Variants in FMN1 observed in about 807,000 individuals in gnomAD.
FMN1 encodes formin 1.
A neutral mutation model predicts 132.4 loss-of-function variants in FMN1; 110 were observed. That is an observed-to-expected ratio of 0.83 (90% confidence interval 0.71 to 0.97). FMN1 has a LOEUF of 0.97. Among genes scored for constraint, FMN1 ranks in the 50% least tolerant of loss-of-function variants. The pLI, the probability that FMN1 is intolerant of heterozygous loss-of-function variation, is 0.00. For synonymous variants in FMN1, 722 were observed against 651.7 expected (o/e 1.11, Z -1.64); for missense variants, 1,792 against 1,705.3 (o/e 1.05, Z -0.90).
chr15:32,938,327 G>A (rs866352304), intron 9 of FMN1, among the ~76,000 whole-genome samples: 3 of 151,890 alleles, frequency 2.0e-5, no homozygotes, highest in Non-Finnish European at 4.4e-5. Flanking sequence ...CCAGGAGTTC[G>A]GGACCAGCCT....
intron 17 of FMN1, among the ~76,000 whole-genome samples, chr15:32,824,982 T>C (rs973802059): frequency 6.6e-6 from 1 of 152,220 alleles, no homozygotes. Context: ...CCTCAGTAAA[T>C]AGCATCGACA....
intron 6 of FMN1, among the ~76,000 whole-genome samples, chr15:33,058,809 G>A (rs1450688618): frequency 2.0e-5 from 3 of 152,160 alleles, no homozygotes; most frequent in Non-Finnish European, 4.4e-5. Context: ...GGTAGATGAT[G>A]CGGTGTTTTG....
intron 12 of FMN1, among the ~76,000 whole-genome samples, chr15:32,907,752 C>T (rs62001358): frequency 1.2e-5 from 1 of 85,592 alleles, no homozygotes; most frequent in Admixed American, 1.0e-4. Context: ...GCAAAAGAGG[C>T]CCTCTGAACC....
chr15:32,888,204 T>C lies in FMN1; in HGVS notation c.3803A>G (p.Lys1268Arg), dbSNP rs1324627978. Residue 1268 changes from lysine (K) to arginine (R), a missense_variant, in exon 16 of 21, where the codon AAA becomes AGA. Lys to Arg is a conservative substitution (Grantham distance 26). Around this residue, in one of 3 missense-constraint regions of FMN1, gnomAD observed 1,150 missense variants for 1,043.1 expected, o/e 1.10. Transcript: ENST00000616417. ...TTGCCTCTTCAGTTTTCTCAAATCT[T>C]TTATGAGGTCTTCAAACTTGACTTG... ...ASQVKFEDLI[K>R]DLRKLKRQLE... 2 of 1,612,896 alleles carry C rather than the reference T, an allele frequency of 1.2e-6. No homozygotes were observed. The highest frequency in any genetic ancestry group is 2.2e-5 in the South Asian group (2 of 90,850).
At chr15:33,081,263 C>T (rs7179866) in intron 5 of FMN1, among the ~76,000 whole-genome samples, 8,682 of 152,188 alleles carry the variant, frequency 0.057, 810 homozygotes, top group African/African-American at 0.2. Flanking sequence ...AGGCAGCAAA[C>T]GGTTGAACCT....
intron 9 of FMN1, among the ~76,000 whole-genome samples, chr15:32,939,373 A>G (rs1019685224): frequency 2.0e-5 from 3 of 152,200 alleles, no homozygotes; most frequent in Admixed American, 6.5e-5. Context: ...TATTAAGGGG[A>G]AAAAAAGACA....
At chr15:33,050,932 T>C (rs977095170) in intron 6 of FMN1, among the ~76,000 whole-genome samples, 1 of 152,228 alleles carries the variant, frequency 6.6e-6, no homozygotes, top group African/African-American at 2.4e-5. Context: ...GGTTTCAGTA[T>C]ATGGTAAAAA....
At chr15:33,079,622 CA>C (rs1004995083) in intron 5 of FMN1, among the ~76,000 whole-genome samples, 2 of 152,032 alleles carry the variant, frequency 1.3e-5, no homozygotes, top group Non-Finnish European at 2.9e-5. Context: ...GACTCCGTCT[CA>C]AAAAAAGAAA....
intron 4 of FMN1, among the ~76,000 whole-genome samples, chr15:33,122,996 G>C (rs978241758): frequency 6.6e-6 from 1 of 151,548 alleles, no homozygotes; most frequent in Non-Finnish European, 1.5e-5. Context: ...CAAATAAAAA[G>C]ACAGGCCGAG....
In FMN1 at chr15:32,765,839, C is replaced by CA. The variant is rs2056028441; in HGVS notation, c.*8470dup. 6.6e-6 allele frequency: 1 copy of CA among 152,058 alleles called. No individual in the cohort carries two copies. Among genetic ancestry groups the CA allele is most frequent in the Non-Finnish European group, 1.5e-5 (1 of 68,016 alleles). The allele number at this position is 152,058 out of a possible 1,614,324, so 9.4% of individuals were successfully genotyped here. Reference sequence around the variant, plus strand: ...ACACACATTTTTATTATGTACAAATCAGTGTTGGTTCCTTCACTCTCTTTT... The same window carrying CA: ...ACACACATTTTTATTATGTACAAATCAAGTGTTGGTTCCTTCACTCTCTTTT... On this transcript the variant is annotated 3_prime_UTR_variant, in exon 21 of 21. Transcript: ENST00000616417.
intron 16 of FMN1, among the ~76,000 whole-genome samples, chr15:32,876,731 G>A (rs764835516): frequency 1.3e-5 from 2 of 152,170 alleles, no homozygotes. Flanking sequence ...AGTCTTTACT[G>A]AACTTTAAAA....
At chr15:33,123,338 G>A (rs868008127) in intron 4 of FMN1, among the ~76,000 whole-genome samples, 1 of 151,906 alleles carries the variant, frequency 6.6e-6, no homozygotes, top group African/African-American at 2.4e-5. Context: ...ACCATCTACT[G>A]AATTAGGTAA....
chr15:33,117,167 T>TA (rs2140154239), intron 4 of FMN1, among the ~76,000 whole-genome samples: 1 of 152,162 alleles, frequency 6.6e-6, no homozygotes, highest in East Asian at 1.9e-4. Context: ...TACTCCCCTC[T>TA]AACAACTCTC....
intron 7 of FMN1, among the ~76,000 whole-genome samples, chr15:32,977,882 A>G (rs1169885281): frequency 5.4e-5 from 8 of 148,648 alleles, no homozygotes; most frequent in Non-Finnish European, 1.2e-4. Flanking sequence ...TTTTTTTCTG[A>G]GACAGAGTCT....
chr15:33,056,204 C>T (rs540852222), intron 6 of FMN1, among the ~76,000 whole-genome samples: 2 of 152,260 alleles, frequency 1.3e-5, no homozygotes, highest in South Asian at 2.1e-4. Flanking sequence ...CAGGTATACA[C>T]CCAAAAGAAA....
intron 4 of FMN1, among the ~76,000 whole-genome samples, chr15:33,118,017 T>C (rs1418152484): frequency 2.6e-5 from 4 of 152,300 alleles, no homozygotes; most frequent in African/African-American, 9.6e-5. Flanking sequence ...AAAATAATGA[T>C]ATAGTGTGTT....
rs116102423 is a variant in FMN1, at chr15:32,982,307, T to C, written c.2224-12830A>G. Among the ~76,000 whole-genome samples the C allele has an allele frequency of 6.3e-3, 964 of 152,250 alleles. 10 individuals carry two copies. Among genetic ancestry groups the C allele is most frequent in the African/African-American group, 0.022 (933 of 41,546 alleles). On this transcript the variant is annotated intron_variant, in intron 7 of 20. Transcript: ENST00000616417. ...ATGTGGAACAACTAGAACTCTCAGA[T>C]TGCTGATGGGAATGGACAGTGGTAC...
chr15:33,019,482 G>C (rs1369253661), intron 6 of FMN1, among the ~76,000 whole-genome samples: 1 of 152,228 alleles, frequency 6.6e-6, no homozygotes, highest in Non-Finnish European at 1.5e-5. Context: ...CACGCCGTGC[G>C]ACTCCTCAGC....
intron 3 of FMN1, among the ~76,000 whole-genome samples, chr15:33,171,962 C>T (rs975251980): frequency 6.6e-6 from 1 of 152,158 alleles, no homozygotes; most frequent in African/African-American, 2.4e-5. Context: ...GTAATCCCAG[C>T]ACTTTGGGAG....
Sources: allele counts gnomAD v4.1 joint callset (sites outside exome capture counted in the v4.1 genomes callset), GRCh38; gene constraint gnomAD v4.1.1; regional missense constraint gnomAD v4.1.1; transcripts MANE v1.5; gene names NCBI Gene and HGNC (gene_info 2026-07-23, HGNC 2026-07-21).